Variants in FXN observed in about 807,000 individuals in gnomAD.
FXN encodes frataxin.
A neutral mutation model predicts 22.4 loss-of-function variants in FXN; 14 were observed. The observed-to-expected ratio is 0.62, with a 90% CI of 0.41 to 0.98. The LOEUF (loss-of-function observed/expected upper bound fraction) is 0.98, where lower values mean the gene tolerates loss of function less well. FXN is among the 50% of genes least tolerant of loss of function. FXN has a pLI of 0.00. For missense variants in FXN, 267 were observed against 268.4 expected (o/e 0.99, Z 0.04); for synonymous variants, 120 against 114.1 (o/e 1.05, Z -0.33).
In FXN at chr9:69,073,275, G is replaced by C; in HGVS notation, c.*513G>C. ...CACTTCTGAGCTCTTTAGCATTGAA[G>C]TGTCGAAAGCAACTCACACGGGAAG... is the stretch of plus-strand genomic sequence containing the variant. On this transcript the variant is annotated 3_prime_UTR_variant, in exon 5 of 5. Coordinates refer to ENST00000484259, the MANE Select transcript of FXN (RefSeq NM_000144.5). The C allele has an allele frequency of 9.9e-7, 1 of 1,009,162 alleles. No individual in the cohort carries two copies. Among genetic ancestry groups the C allele is most frequent in the Non-Finnish European group, 1.2e-6 (1 of 843,882 alleles). The allele number at this position is 1,009,162 out of a possible 1,614,324, so 62.5% of individuals were successfully genotyped here.
chr9:69,056,892 G>A lies in FXN; in HGVS notation c.384+3632G>A, dbSNP rs1050431984. 2.7e-5 allele frequency among the ~76,000 whole-genome samples: 4 copies of A among 146,250 alleles called. 1 individual carries two copies. Among genetic ancestry groups the A allele is most frequent in the African/African-American group, 7.3e-5 (3 of 41,004 alleles). On this transcript the variant is annotated intron_variant, in intron 3 of 4. Coordinates refer to ENST00000484259, the MANE Select transcript of FXN (RefSeq NM_000144.5). The stretch of plus-strand genomic sequence containing the variant: ...CGAGTAGCTGGGATTACAGGCGCCT[G>A]CCACCACGCCTGGCTAATTTTTTTA...
chr9:69,061,063 G>T (rs1832063383), intron 3 of FXN, among the ~76,000 whole-genome samples: 1 of 152,186 alleles, frequency 6.6e-6, no homozygotes, highest in Non-Finnish European at 1.5e-5. Flanking sequence ...AGGTGCCAGG[G>T]GGTGAAAATA....
chr9:69,059,260 G>A (rs1298707397), intron 3 of FXN, among the ~76,000 whole-genome samples: 1 of 151,984 alleles, frequency 6.6e-6, no homozygotes, highest in East Asian at 1.9e-4. Context: ...CTCAAAATAG[G>A]TAAGGAGGCA....
chr9:69,048,049 C>T (rs1831791301), intron 2 of FXN, among the ~76,000 whole-genome samples: 1 of 152,130 alleles, frequency 6.6e-6, no homozygotes, highest in African/African-American at 2.4e-5. Context: ...GTAGGCTTTT[C>T]CCAAAAGTAG....
At chr9:69,046,360 C>A in intron 1 of FXN, 25 bp from the exon 2 acceptor site, 1 of 1,558,424 alleles carries the variant, frequency 6.4e-7, no homozygotes, top group Admixed American at 1.7e-5. Context: ...AAAATAGTAA[C>A]GTACTTCTTA....
intron 1 of FXN, among the ~76,000 whole-genome samples, chr9:69,040,817 A>T (rs772944947): frequency 3.8e-4 from 58 of 152,158 alleles, no homozygotes; most frequent in Non-Finnish European, 6.9e-4. Flanking sequence ...TTGGGAGGTG[A>T]TGAGGTATGA....
At chr9:69,065,540 C>CCA (rs1554761960) in intron 4 of FXN, among the ~76,000 whole-genome samples, 7 of 140,752 alleles carry the variant, frequency 5.0e-5, no homozygotes, top group East Asian at 4.2e-4. Flanking sequence ...GACCCTGTCC[C>CCA]AAAAAAAAAA....
In FXN at chr9:69,046,222, G is replaced by A. The variant is rs1300140748; in HGVS notation, c.166-163G>A. On this transcript the variant is annotated intron_variant, in intron 1 of 4. Coordinates refer to ENST00000484259, the MANE Select transcript of FXN (RefSeq NM_000144.5). ...CCAGGGGAGAGGAGAAGAGAAGAGA[G>A]GATAATTTTTTTTAAGAAAAGCAAC... is the stretch of plus-strand genomic sequence containing the variant. 2.0e-5 allele frequency among the ~76,000 whole-genome samples: 3 copies of A among 152,064 alleles called. No individual in the cohort carries two copies. In the East Asian group the frequency reaches 5.8e-4, roughly 29 times the overall value.
intron 2 of FXN, 22 bp downstream of exon 2, chr9:69,046,504 G>C: frequency 1.3e-6 from 2 of 1,522,822 alleles, no homozygotes; most frequent in Non-Finnish European, 1.8e-6. Context: ...CACCTTCCAC[G>C]TCATAGGTAT....
chr9:69,049,240 C>G (rs1053745583), intron 2 of FXN, among the ~76,000 whole-genome samples: 13 of 152,160 alleles, frequency 8.5e-5, no homozygotes, highest in Admixed American at 8.5e-4. Context: ...CGGTTGTGTC[C>G]TTACGTTTCT....
chr9:69,071,449 C>G (rs1832273283), intron 4 of FXN, among the ~76,000 whole-genome samples: 1 of 152,170 alleles, frequency 6.6e-6, no homozygotes, highest in South Asian at 2.1e-4. Flanking sequence ...TTCTGGGCTC[C>G]CATGCACTCT....
At chr9:69,070,724 A>T (rs963886988) in intron 4 of FXN, among the ~76,000 whole-genome samples, 96 of 151,082 alleles carry the variant, frequency 6.4e-4, no homozygotes, top group African/African-American at 2.1e-3. Context: ...TATAAAAAAA[A>T]TTTTGTTTTT....
intron 4 of FXN, among the ~76,000 whole-genome samples, chr9:69,067,660 ATC>A (rs1832195810): frequency 6.6e-6 from 1 of 152,214 alleles, no homozygotes; most frequent in Non-Finnish European, 1.5e-5. Flanking sequence ...AATAAAGATC[ATC>A]CTTGAGTCTG....
At chr9:69,037,798 G>A (rs888469447) in intron 1 of FXN, among the ~76,000 whole-genome samples, 8 of 152,094 alleles carry the variant, frequency 5.3e-5, no homozygotes, top group Admixed American at 2.6e-4. Context: ...TCAGCCTCCC[G>A]AGTAGCTGGG....
intron 1 of FXN, among the ~76,000 whole-genome samples, chr9:69,037,649 G>A (rs1320292257): frequency 2.0e-5 from 3 of 152,170 alleles, no homozygotes; most frequent in African/African-American, 7.2e-5. Context: ...TGTGTGGACA[G>A]CATGGGTTGT....
At chr9:69,039,916 T>A (rs1169596954) in intron 1 of FXN, among the ~76,000 whole-genome samples, 3 of 152,182 alleles carry the variant, frequency 2.0e-5, no homozygotes, top group Non-Finnish European at 4.4e-5. Flanking sequence ...CCGGGCGTCA[T>A]ATGGTAAGGG....
At position 69,076,414 on chromosome 9, in the gene FXN, A is replaced by G; in HGVS notation, c.*3652A>G. Reference sequence around the variant, plus strand: ...CGTTCCCTACTCAACCTTGAACTTAATCAAAATACTCAGTTTACTTAACTT... The same window carrying G: ...CGTTCCCTACTCAACCTTGAACTTAGTCAAAATACTCAGTTTACTTAACTT... On this transcript the variant is annotated 3_prime_UTR_variant, in exon 5 of 5. Transcript: ENST00000484259. 5 of 985,418 alleles carry G rather than the reference A, an allele frequency of 5.1e-6. No individual in the cohort carries two copies. The highest frequency in any genetic ancestry group is 6.0e-6 in the Non-Finnish European group (5 of 829,920). The allele number at this position is 985,418 out of a possible 1,614,324, so 61.0% of individuals were successfully genotyped here.
At chr9:69,043,116 C>A (rs1204975020) in intron 1 of FXN, among the ~76,000 whole-genome samples, 2 of 152,104 alleles carry the variant, frequency 1.3e-5, no homozygotes, top group Non-Finnish European at 2.9e-5. Context: ...GTGTGCAGAG[C>A]GGCAAAAAAA....
At position 69,057,152 on chromosome 9, in the gene FXN, C is replaced by T. The variant is rs374156472; in HGVS notation, c.384+3892C>T. On this transcript the variant is annotated intron_variant, in intron 3 of 4. Coordinates refer to ENST00000484259, the MANE Select transcript of FXN (RefSeq NM_000144.5). ...AATGGCAGTTAGGGAGGGAATAGAA[C>T]GAGTCCTGTTTGAACTCCTTTCCCA... Among the ~76,000 whole-genome samples, 122 of 152,148 alleles carry T rather than the reference C, an allele frequency of 8.0e-4. 1 individual carries two copies. Among genetic ancestry groups the T allele is most frequent in the African/African-American group, 2.8e-3 (118 of 41,436 alleles).
Sources: gnomAD v4.1 joint callset for allele counts (sites outside exome capture counted in the v4.1 genomes callset) on GRCh38, gnomAD v4.1.1 for gene constraint, MANE v1.5 for transcripts, NCBI Gene and HGNC (gene_info 2026-07-23, HGNC 2026-07-21) for gene names.